TEKT5: variants seen among roughly 807,000 people sequenced by gnomAD.
TEKT5 encodes tektin 5, also known as tektin-5.
A neutral mutation model predicts 48.7 loss-of-function variants in TEKT5; 52 were observed. That is an observed-to-expected ratio of 1.07 (90% CI 0.86 to 1.35). The LOEUF is 1.35. Ranked by LOEUF, TEKT5 falls within the 40% of genes most tolerant of loss-of-function variation. TEKT5 has a pLI of 0.00. For synonymous variants in TEKT5, 318 were observed against 267.6 expected, an observed-to-expected ratio of 1.19 and a Z score of -1.84; for missense variants, 831 against 641.6, an observed-to-expected ratio of 1.30 and a Z score of -3.19.
chr16:10,686,547 A>T lies in TEKT5; in HGVS notation c.719+2706T>A, dbSNP rs145140277. ...AAACATAGGGGAAAAGTTCCATGAC[A>T]TTGGTCTGGACAACGACCCCAATAG... On this transcript the variant is annotated intron_variant, in intron 3 of 6. Transcript: ENST00000283025. Among the ~76,000 whole-genome samples, 126 of 152,310 alleles carry T rather than the reference A, an allele frequency of 8.3e-4. 1 individual carries two copies. The highest frequency in any genetic ancestry group is 2.7e-3 in the African/African-American group (112 of 41,576).
chr16:10,633,254 G>C (rs1217530180), intron 6 of TEKT5, among the ~76,000 whole-genome samples: 2 of 152,108 alleles, frequency 1.3e-5, no homozygotes, highest in Admixed American at 1.3e-4. Flanking sequence ...CCAGCTACTC[G>C]GGAGGCTGAG....
chr16:10,657,836 G>A (rs1276977957), intron 5 of TEKT5, among the ~76,000 whole-genome samples: 3 of 150,378 alleles, frequency 2.0e-5, no homozygotes, highest in South Asian at 4.2e-4. Context: ...TCCTGACCTC[G>A]TGATCCGCCC....
At chr16:10,677,196 A>AAGC (rs2142302859) in intron 4 of TEKT5, among the ~76,000 whole-genome samples, 1 of 149,390 alleles carries the variant, frequency 6.7e-6, no homozygotes, top group South Asian at 2.1e-4. Context: ...GTCTCAAAAG[A>AAGC]AGCAGCAGCA....
rs552238466 is a variant in TEKT5 at position 10,662,193 on chromosome 16, T to A, written c.1086+13766A>T. Among the ~76,000 whole-genome samples, 8 of 152,282 alleles carry A rather than the reference T, an allele frequency of 5.3e-5. No individual in the cohort carries two copies. The East Asian group carries it at 1.5e-3, about 29-fold the overall frequency. ...CTGGCCTCTACTCACTGGATGCCAA[T>A]CATCAGTAGCACGCACCCCCATTTG... On this transcript the variant is annotated intron_variant, in intron 5 of 6. Coordinates refer to ENST00000283025, the MANE Select transcript of TEKT5 (RefSeq NM_144674.2).
At chr16:10,673,092 C>T (rs1000830000) in intron 5 of TEKT5, among the ~76,000 whole-genome samples, 3 of 152,174 alleles carry the variant, frequency 2.0e-5, no homozygotes, top group Non-Finnish European at 4.4e-5. Context: ...CAGTCTGGCT[C>T]AGGGTCAGTG....
chr16:10,645,252 T>C (rs1411358369), intron 5 of TEKT5, among the ~76,000 whole-genome samples: 2 of 152,154 alleles, frequency 1.3e-5, no homozygotes, highest in East Asian at 3.8e-4. Context: ...CTCACACCTA[T>C]AATCCTAAAC....
intron 5 of TEKT5, among the ~76,000 whole-genome samples, chr16:10,661,423 G>C (rs1370757153): frequency 6.6e-6 from 1 of 152,160 alleles, no homozygotes; most frequent in African/African-American, 2.4e-5. Context: ...TCTCAGCACA[G>C]AATCTACATT....
At chr16:10,666,782 T>C (rs745897894) in intron 5 of TEKT5, among the ~76,000 whole-genome samples, 1 of 152,190 alleles carries the variant, frequency 6.6e-6, no homozygotes, top group Non-Finnish European at 1.5e-5. Flanking sequence ...CCTTGCAACC[T>C]GGTCATCCCT....
intron 3 of TEKT5, among the ~76,000 whole-genome samples, chr16:10,688,572 G>C (rs1045400504): frequency 1.3e-5 from 2 of 152,224 alleles, no homozygotes; most frequent in Admixed American, 6.5e-5. Context: ...CAGCAGAGCA[G>C]CGTGCCCTGA....
At chr16:10,647,692 G>A (rs1898092606) in intron 5 of TEKT5, among the ~76,000 whole-genome samples, 1 of 152,190 alleles carries the variant, frequency 6.6e-6, no homozygotes, top group African/African-American at 2.4e-5. Flanking sequence ...CAGTCAGCCT[G>A]TGATGGGGAC....
At chr16:10,656,731 C>T (rs1898268746) in intron 5 of TEKT5, among the ~76,000 whole-genome samples, 2 of 152,166 alleles carry the variant, frequency 1.3e-5, no homozygotes, top group South Asian at 2.1e-4. Context: ...CAACTGGGTA[C>T]ATGCAAACTA....
chr16:10,675,837 G>GGA (rs1898634588), intron 5 of TEKT5, 122 bp downstream of exon 5: 1 of 940,262 alleles, frequency 1.1e-6, no homozygotes, highest in African/African-American at 1.6e-5. Flanking sequence ...ACAGACCTTG[G>GGA]GAGAGAGGGT....
At chr16:10,630,326 T>G (rs896398903) in intron 6 of TEKT5, among the ~76,000 whole-genome samples, 1 of 151,382 alleles carries the variant, frequency 6.6e-6, no homozygotes, top group Non-Finnish European at 1.5e-5. Context: ...GCCTCAAACC[T>G]CTGGGTTCAA....
chr16:10,667,294 C>T (rs569699902), intron 5 of TEKT5, among the ~76,000 whole-genome samples: 5 of 152,208 alleles, frequency 3.3e-5, no homozygotes, highest in African/African-American at 4.8e-5. Flanking sequence ...TCCTTCCTTA[C>T]GTATGTTAAA....
rs966921803 is a variant in TEKT5 at position 10,669,229 on chromosome 16, A to G, written c.1086+6730T>C. On this transcript the variant is annotated intron_variant, in intron 5 of 6. Transcript: ENST00000283025. ...ACGCCTGTAATCCTAGCACTTTGGG[A>G]GGCTGAGGCCGGTGGATCACCTGAA... Among the ~76,000 whole-genome samples, 7 of 152,210 alleles carry G rather than the reference A, an allele frequency of 4.6e-5. No homozygotes were observed. The South Asian group carries it at 1.0e-3, about 23-fold the overall frequency.
chr16:10,654,692 G>C, intron 5 of TEKT5, among the ~76,000 whole-genome samples: 1 of 152,126 alleles, frequency 6.6e-6, no homozygotes, highest in Non-Finnish European at 1.5e-5. Flanking sequence ...CTGACTCTTA[G>C]ACCTTAGGAC....
chr16:10,668,987 A>G (rs1389482572), intron 5 of TEKT5, among the ~76,000 whole-genome samples: 1 of 152,194 alleles, frequency 6.6e-6, no homozygotes, highest in African/African-American at 2.4e-5. Flanking sequence ...TAGAAACATG[A>G]GCTCTGAATT....
intron 5 of TEKT5, among the ~76,000 whole-genome samples, chr16:10,651,432 G>A (rs1898154131): frequency 6.6e-6 from 1 of 152,184 alleles, no homozygotes; most frequent in Non-Finnish European, 1.5e-5. Flanking sequence ...TCCTTTGGGA[G>A]GGGTTTTGGT....
intron 5 of TEKT5, among the ~76,000 whole-genome samples, chr16:10,644,982 ACT>A (rs1028949196): frequency 3.9e-5 from 6 of 152,202 alleles, no homozygotes; most frequent in Non-Finnish European, 7.4e-5. Context: ...AGGCTACTTT[ACT>A]CTCTTTCTGC....
Sources: gnomAD v4.1 joint callset for allele counts (sites outside exome capture counted in the v4.1 genomes callset) on GRCh38, gnomAD v4.1.1 for gene constraint, MANE v1.5 for transcripts, NCBI Gene and HGNC (gene_info 2026-07-23, HGNC 2026-07-21) for gene names.